KRT14: variants seen among roughly 807,000 people sequenced by gnomAD.
KRT14 encodes the protein keratin 14, also known as keratin, type I cytoskeletal 14.
In KRT14, 30 loss-of-function variants were observed where a neutral mutation model predicts 44.5. That is an observed-to-expected ratio of 0.67 (90% CI 0.50 to 0.92). KRT14 has a LOEUF of 0.92. KRT14 is among the 40% of genes least tolerant of loss of function. The probability of loss-of-function intolerance (pLI) is 0.00; values close to 1 mark genes in which losing one functional copy is unlikely to be tolerated. For missense variants in KRT14, 535 were observed against 640.6 expected, an observed-to-expected ratio of 0.84 and a Z score of 1.78; for synonymous variants, 241 against 257.6, an observed-to-expected ratio of 0.94 and a Z score of 0.62.
chr17:41,582,430 C>T lies in KRT14; in HGVS notation c.*5G>A. The T allele has an allele frequency of 6.4e-7, 1 of 1,556,794 alleles. No individual in the cohort carries two copies. Among genetic ancestry groups the T allele is most frequent in the Non-Finnish European group, 8.7e-7 (1 of 1,150,104 alleles). The stretch of plus-strand genomic sequence containing the variant: ...CCTCCTAGGCCTGAGCGGGGCTGGG[C>T]AGCCTCAGTTCTTGGTGCGAAGGAC... On this transcript the variant is annotated 3_prime_UTR_variant, in exon 8 of 8. Coordinates refer to ENST00000167586, the MANE Select transcript of KRT14 (RefSeq NM_000526.5).
chr17:41,586,079 A>T (rs767861908), intron 1 of KRT14, among the ~76,000 whole-genome samples: 6 of 152,194 alleles, frequency 3.9e-5, no homozygotes, highest in Non-Finnish European at 7.3e-5. Context: ...TAAGGATAGG[A>T]ATCACTGATC....
chr17:41,582,557 G>A (rs750032551), intron 7 of KRT14, 25 bp from the exon 8 acceptor site: 8 of 1,528,308 alleles, frequency 5.2e-6, no homozygotes, highest in South Asian at 3.6e-5. Context: ...GGAAGAGGAC[G>A]TTACCAGAGG....
Position 41,584,371 on chromosome 17 carries a change from G to A in KRT14, c.651C>T (p.Asp217=), listed in dbSNP as rs766558337. The A allele has an allele frequency of 1.9e-6, 3 of 1,614,066 alleles. No individual in the cohort carries two copies. Among genetic ancestry groups the A allele is most frequent in the Middle Eastern group, 1.6e-4 (1 of 6,062 alleles). The change falls in exon 3 of 8, where the codon GAC becomes GAT. Residue 217 remains aspartate, a synonymous_variant. Transcript: ENST00000167586. The part of the protein sequence containing the change: ...ELNLRMSVEA[D]INGLRRVLDE... ...CCAGCACCCTGCGCAGGCCATTGAT[G>A]TCGGCTTCCACACTCATGCGCAGGT...
intron 1 of KRT14, among the ~76,000 whole-genome samples, chr17:41,585,809 G>A (rs763101550): frequency 1.3e-5 from 2 of 152,260 alleles, no homozygotes; most frequent in Non-Finnish European, 2.9e-5. Flanking sequence ...CCGCCTGGCT[G>A]TGGGGAGGGA....
At position 41,583,078 on chromosome 17, in the gene KRT14, A is replaced by G. The variant is rs1449782066; in HGVS notation, c.1321+16T>C. On this transcript the variant is annotated intron_variant, in intron 7 of 7. Transcript: ENST00000167586. ...GGTGGCCTGGAGCCCAGGCCTGCAGAGGAGGAGGGTCTTACCATCTCTGGA... is the reference window on the plus strand; with the variant it reads ...GGTGGCCTGGAGCCCAGGCCTGCAGGGGAGGAGGGTCTTACCATCTCTGGA... The G allele has an allele frequency of 1.2e-6, 2 of 1,612,082 alleles. No homozygotes were observed. The highest frequency in any genetic ancestry group is 1.3e-5 in the African/African-American group (1 of 74,914).
chr17:41,586,483 T>C lies in KRT14; in HGVS notation c.352A>G (p.Thr118Ala). The change falls in exon 1 of 8, where the codon ACC (threonine) becomes GCC (alanine). Residue 118 changes from threonine (T) to alanine (A), a missense_variant. Coordinates refer to ENST00000167586, the MANE Select transcript of KRT14 (RefSeq NM_000526.5). ...DGLLVGSEKVTMQNLNDRLAS... is the reference protein window; with the variant it reads ...DGLLVGSEKVAMQNLNDRLAS... Reference sequence around the variant, plus strand: ...AGGCGGTCATTGAGGTTCTGCATGGTCACCTTCTCACTGCCCACCAGAAGC... The same window carrying C: ...AGGCGGTCATTGAGGTTCTGCATGGCCACCTTCTCACTGCCCACCAGAAGC... 6.2e-7 allele frequency: 1 copy of C among 1,614,048 alleles called. No homozygotes were observed. The highest frequency in any genetic ancestry group is 8.5e-7 in the Non-Finnish European group (1 of 1,179,988).
In KRT14 at chr17:41,586,419, G is replaced by C. The variant is rs1161500001; in HGVS notation, c.416C>G (p.Ala139Gly). 6.2e-7 allele frequency: 1 copy of C among 1,613,932 alleles called. No individual in the cohort carries two copies. Among genetic ancestry groups the C allele is most frequent in the Admixed American group, 1.7e-5 (1 of 60,004 alleles). The change falls in exon 1 of 8, where the codon GCC (alanine) becomes GGC (glycine). Residue 139 changes from alanine to glycine, a missense_variant. Coordinates refer to ENST00000167586, the MANE Select transcript of KRT14 (RefSeq NM_000526.5). ...YLDKVRALEEANADLEVKIRD... is the reference protein window; with the variant it reads ...YLDKVRALEEGNADLEVKIRD... ...GATCTTCACTTCCAGGTCGGCGTTGGCCTCCTCCAGAGCACGCACCTTGTC... is the reference window on the plus strand; with the variant it reads ...GATCTTCACTTCCAGGTCGGCGTTGCCCTCCTCCAGAGCACGCACCTTGTC...
Position 41,582,295 on chromosome 17 carries a change from A to G in KRT14, c.*140T>C, listed in dbSNP as rs1907361140. On this transcript the variant is annotated 3_prime_UTR_variant, in exon 8 of 8. Transcript: ENST00000167586. ...AGGCGAGAATTATGCAACTCAGATA[A>G]TGAAGCTGTATTGATTGCCAGGAGG... 2 of 657,956 alleles carry G rather than the reference A, an allele frequency of 3.0e-6. No individual in the cohort carries two copies. Among genetic ancestry groups the G allele is most frequent in the Non-Finnish European group, 5.5e-6 (2 of 365,192 alleles). The allele number at this position is 657,956 out of a possible 1,614,324, so 40.8% of individuals were successfully genotyped here.
chr17:41,586,818 C>A lies in KRT14; in HGVS notation c.17G>T (p.Arg6Leu), dbSNP rs760882737. The A allele has an allele frequency of 2.0e-5, 32 of 1,590,776 alleles. No homozygotes were observed. The highest frequency in any genetic ancestry group is 2.6e-5 in the Non-Finnish European group (31 of 1,170,682). Residue 6 changes from arginine to leucine, a missense_variant, in exon 1 of 8, where the codon CGC (arginine) becomes CTC (leucine). Coordinates refer to ENST00000167586, the MANE Select transcript of KRT14 (RefSeq NM_000526.5). ...CATGGAGCTGGAGGAGGTGAACTGG[C>A]GGCTGCAGGTGGTCATGGTGCAGAG... Reference protein sequence around the residue: MTTCSRQFTSSSSMKG... With the variant: MTTCSLQFTSSSSMKG...
intron 3 of KRT14, 148 bp from the exon 4 acceptor site, chr17:41,584,069 CTTTTTTTTTTTTTTTTTTT>C (rs61300844): frequency 3.3e-6 from 1 of 304,052 alleles, no homozygotes; most frequent in Non-Finnish European, 5.7e-6. Flanking sequence ...CTCTCTCTCT[CTTTTTTTTTTTTTTTTTTT>C]TTTTTTTTTT....
chr17:41,586,368 G>T lies in KRT14; in HGVS notation c.467C>A (p.Pro156His). The T allele has an allele frequency of 1.9e-5, 30 of 1,613,318 alleles. No homozygotes were observed. The highest frequency in any genetic ancestry group is 2.5e-5 in the Non-Finnish European group (29 of 1,180,026). The change falls in exon 1 of 8, where the codon CCT becomes CAT. Residue 156 changes from proline to histidine, a missense_variant. Coordinates refer to ENST00000167586, the MANE Select transcript of KRT14 (RefSeq NM_000526.5). The stretch of plus-strand genomic sequence containing the variant: ...GGGACTGTAGTCTTTGATCTCAGCA[G>T]GCCGCTGCCTCTGGTACCAGTCACG... ...KIRDWYQRQR[P>H]AEIKDYSPYF...
At chr17:41,584,599 G>A (rs1011019265) in intron 2 of KRT14, 186 bp from the exon 3 acceptor site, 23 of 666,548 alleles carry the variant, frequency 3.5e-5, no homozygotes, top group Non-Finnish European at 5.3e-5. Context: ...CCTGCGGGCT[G>A]GGGATAAGGC....
At chr17:41,586,213 T>C in intron 1 of KRT14, 97 bp downstream of exon 1, 1 of 1,494,376 alleles carries the variant, frequency 6.7e-7, no homozygotes, top group Non-Finnish European at 9.3e-7. Flanking sequence ...GTGGACTCTG[T>C]CCTATAGAGA....
chr17:41,583,140 G>A lies in KRT14; in HGVS notation c.1275C>T (p.His425=). Reference sequence around the variant, plus strand: ...CAGAGGAGAACTGGGAGGAGGAGAGGCTGTGAAAATAGAAAAGGACAGGAT... The same window carrying A: ...CAGAGGAGAACTGGGAGGAGGAGAGACTGTGAAAATAGAAAAGGACAGGAT... ...YRRLLEGEDA[H]LSSSQFSSGS... is the part of the protein sequence containing the mutation. The change falls in exon 7 of 8, where the codon CAC becomes CAT. Residue 425 remains histidine (H), a splice_region_variant and synonymous_variant. Transcript: ENST00000167586. The A allele has an allele frequency of 4.3e-6, 7 of 1,613,356 alleles. No homozygotes were observed. The highest frequency in any genetic ancestry group is 5.9e-6 in the Non-Finnish European group (7 of 1,179,922).
At chr17:41,584,046 T>TCTCA (rs1323107693) in intron 3 of KRT14, 125 bp from the exon 4 acceptor site, 13 of 678,938 alleles carry the variant, frequency 1.9e-5, no homozygotes, top group Non-Finnish European at 2.5e-5. Flanking sequence ...TCTCTCTCTC[T>TCTCA]CTCAATCTCT....
chr17:41,582,475 A>G lies in KRT14; in HGVS notation c.1379T>C (p.Val460Ala). 1 of 1,573,076 alleles carries G rather than the reference A, an allele frequency of 6.4e-7. No homozygotes were observed. Among genetic ancestry groups the G allele is most frequent in the Non-Finnish European group, 8.6e-7 (1 of 1,159,134 alleles). The change falls in exon 8 of 8, where the codon GTG becomes GCG. Residue 460 changes from valine (V) to alanine (A), a missense_variant. Val to Ala is a moderately conservative substitution (Grantham distance 64). Coordinates refer to ENST00000167586, the MANE Select transcript of KRT14 (RefSeq NM_000526.5). ...AAGGACCTGCTCGTGGGTGGACACC[A>G]CCTTGCCATCGTGCACATCCATGAC... ...TKVMDVHDGK[V>A]VSTHEQVLRT...
At chr17:41,584,003 C>A in intron 3 of KRT14, 82 bp from the exon 4 acceptor site, 1 of 1,437,976 alleles carries the variant, frequency 7.0e-7, no homozygotes, top group South Asian at 1.1e-5. Flanking sequence ...TACTGCCCTC[C>A]CACCATCACA....
Position 41,586,698 on chromosome 17 carries a change from T to C in KRT14, c.137A>G (p.Tyr46Cys). 7 of 1,593,536 alleles carry C rather than the reference T, an allele frequency of 4.4e-6. No individual in the cohort carries two copies. The highest frequency in any genetic ancestry group is 5.1e-6 in the Non-Finnish European group (6 of 1,170,582). ...GGATGAGACAGACAGGCCGCCCCCG[T>C]AGGTGCTGGGGGCGCGGCAGGACCC... ...AGGSCRAPST[Y>C]GGGLSVSSSR... is the part of the protein sequence containing the mutation. Residue 46 changes from tyrosine (Y) to cysteine (C), a missense_variant, in exon 1 of 8, where the codon TAC (tyrosine) becomes TGC (cysteine). Tyr to Cys is a radical substitution (Grantham distance 194). Coordinates refer to ENST00000167586, the MANE Select transcript of KRT14 (RefSeq NM_000526.5).
chr17:41,585,054 G>A lies in KRT14; in HGVS notation c.529C>T (p.Leu177Phe). 1 of 1,613,286 alleles carries A rather than the reference G, an allele frequency of 6.2e-7. No homozygotes were observed. The highest frequency in any genetic ancestry group is 8.5e-7 in the Non-Finnish European group (1 of 1,179,256). ...TTGGCATTGTCCACTGTGGCTGTGA[G>A]AATCTGCAGGATGGAAAAGGCACAG... ...KTIEDLRNKILTATVDNANVL... is the reference protein window; with the variant it reads ...KTIEDLRNKIFTATVDNANVL... Residue 177 changes from leucine to phenylalanine, a missense_variant, in exon 2 of 8, where the codon CTC becomes TTC. Physicochemically the swap from Leu to Phe is conservative, Grantham distance 22 (BLOSUM62 0). Coordinates refer to ENST00000167586, the MANE Select transcript of KRT14 (RefSeq NM_000526.5).
Sources: allele counts gnomAD v4.1 joint callset (sites outside exome capture counted in the v4.1 genomes callset), GRCh38; gene constraint gnomAD v4.1.1; transcripts MANE v1.5; gene names NCBI Gene and HGNC (gene_info 2026-07-23, HGNC 2026-07-21).